Variants in KIAA1217 observed in about 807,000 individuals in gnomAD.
KIAA1217 encodes KIAA1217.
KIAA1217 carries 88 observed loss-of-function variants against 163.9 expected under a neutral mutation model. The ratio of observed to expected loss-of-function variants is 0.54; its 90% CI spans 0.45 to 0.64. KIAA1217 has a LOEUF of 0.64. Ranked by LOEUF, KIAA1217 falls within the 30% of genes least tolerant of loss-of-function variation. The pLI is 0.00. For synonymous variants in KIAA1217, 903 were observed against 923.1 expected (o/e 0.98, Z 0.39); for missense variants, 2,372 against 2,475.0 (o/e 0.96, Z 0.88).
chr10:24,513,184 A>T, intron 9 of KIAA1217, 75 bp from the exon 10 acceptor site: 1 of 1,446,158 alleles, frequency 6.9e-7, no homozygotes, highest in Non-Finnish European at 9.5e-7. Context: ...AAGTGCTCCG[A>T]AGACTTCAAG....
intron 1 of KIAA1217, among the ~76,000 whole-genome samples, chr10:23,870,805 T>C (rs1308799277): frequency 2.6e-5 from 4 of 152,118 alleles, no homozygotes; most frequent in African/African-American, 9.7e-5. Context: ...TCTTCTCTGC[T>C]ATGTCATCAG....
At chr10:23,809,263 G>A (rs533564970) in intron 1 of KIAA1217, among the ~76,000 whole-genome samples, 26 of 152,032 alleles carry the variant, frequency 1.7e-4, no homozygotes, top group Admixed American at 5.9e-4. Context: ...GAAAAAAGAC[G>A]CAAAACAGTG....
chr10:24,473,867 C>A lies in KIAA1217; in HGVS notation c.1486C>A (p.Pro496Thr), dbSNP rs776176131. ...MHAHYNAHGP[P>T]HTMQPDRASP... ...CGCTCACTATAATGCCCACGGCCCC[C>A]CTCACACCATGCAGCCAGACCGGGC... Residue 496 changes from proline to threonine, a missense_variant, in exon 6 of 21, where the codon CCT (proline) becomes ACT (threonine). This residue lies in a region of KIAA1217 where 1,431 missense variants were observed against 1,470.3 expected (regional missense o/e 0.97). Coordinates refer to ENST00000376454, the MANE Select transcript of KIAA1217 (RefSeq NM_019590.5). 1.2e-6 allele frequency: 2 copies of A among 1,614,050 alleles called. No individual in the cohort carries two copies. Among genetic ancestry groups the A allele is most frequent in the Non-Finnish European group, 1.7e-6 (2 of 1,180,042 alleles).
intron 1 of KIAA1217, among the ~76,000 whole-genome samples, chr10:23,981,687 A>T (rs894994381): frequency 1.3e-5 from 2 of 152,098 alleles, no homozygotes; most frequent in Non-Finnish European, 2.9e-5. Flanking sequence ...CTTCCTTTAC[A>T]CATGTCAAGA....
intron 2 of KIAA1217, among the ~76,000 whole-genome samples, chr10:24,193,503 G>C (rs1468110999): frequency 1.3e-5 from 2 of 152,192 alleles, no homozygotes; most frequent in Non-Finnish European, 1.5e-5. Context: ...TATAAACACA[G>C]CGTTAGATGT....
chr10:24,423,649 G>A (rs778386270), intron 3 of KIAA1217, among the ~76,000 whole-genome samples: 6 of 152,044 alleles, frequency 3.9e-5, no homozygotes, highest in South Asian at 2.1e-4. Context: ...TAGTAGAGTC[G>A]AGGTTTCACC....
At position 24,494,542 on chromosome 10, in the gene KIAA1217, T is replaced by A; in HGVS notation, c.1722T>A (p.Thr574=). Residue 574 remains threonine, a synonymous_variant, in exon 7 of 21, where the codon ACT becomes ACA. Coordinates refer to ENST00000376454, the MANE Select transcript of KIAA1217 (RefSeq NM_019590.5). The part of the protein sequence containing the change: ...QAMEKQIASL[T]GLVQSALFKG... ...TGGAGAAACAGATTGCCAGTTTAAC[T>A]GGCCTTGTTCAGTCTGCGCTTTTTA... The A allele has an allele frequency of 2.5e-6, 4 of 1,614,170 alleles. No homozygotes were observed. The highest frequency in any genetic ancestry group is 3.4e-6 in the Non-Finnish European group (4 of 1,179,994).
chr10:24,156,406 T>C lies in KIAA1217; in HGVS notation c.-170-63220T>C, dbSNP rs139696871. Reference sequence around the variant, plus strand: ...TTGGTTTGTTTCCAGTTTGGGGCTATTGCAGATAAATCCAATATGAACATT... The same window carrying C: ...TTGGTTTGTTTCCAGTTTGGGGCTACTGCAGATAAATCCAATATGAACATT... On this transcript the variant is annotated intron_variant, in intron 2 of 18. Transcript: ENST00000376462. Among the ~76,000 whole-genome samples the C allele has an allele frequency of 6.6e-4, 101 of 152,342 alleles. 2 individuals are homozygous for C. The East Asian group carries it at 0.012, about 18-fold the overall frequency.
chr10:24,064,210 G>C (rs1056463315), intron 2 of KIAA1217, among the ~76,000 whole-genome samples: 1 of 152,160 alleles, frequency 6.6e-6, no homozygotes, highest in Non-Finnish European at 1.5e-5. Context: ...GGGCATCCCT[G>C]TCTTGTGCCA....
intron 2 of KIAA1217, among the ~76,000 whole-genome samples, chr10:24,343,266 T>A (rs1312003731): frequency 6.6e-6 from 1 of 152,226 alleles, no homozygotes; most frequent in Middle Eastern, 3.2e-3. Context: ...CATATAAGAA[T>A]GCTAGTTGAT....
intron 5 of KIAA1217, among the ~76,000 whole-genome samples, chr10:24,447,756 G>A (rs1259493461): frequency 6.6e-6 from 1 of 152,214 alleles, no homozygotes; most frequent in Non-Finnish European, 1.5e-5. Flanking sequence ...ATTACCTAAT[G>A]TATCCCGCTA....
In KIAA1217 at chr10:24,533,193, G is replaced by A; in HGVS notation, c.3370G>A (p.Glu1124Lys). The A allele has an allele frequency of 2.5e-6, 4 of 1,613,504 alleles. No individual in the cohort carries two copies. The highest frequency in any genetic ancestry group is 3.4e-6 in the Non-Finnish European group (4 of 1,179,838). Residue 1124 changes from glutamate (E) to lysine (K), a missense_variant, in exon 16 of 21, where the codon GAG becomes AAG. By Grantham distance (56) the Glu-to-Lys change is moderately conservative (BLOSUM62 1). Coordinates refer to ENST00000376454, the MANE Select transcript of KIAA1217 (RefSeq NM_019590.5). ...PVTTSSSKDE[E>K]EEEEEGDKIM... ...CACCACCTCCTCCTCAAAGGATGAG[G>A]AGGAAGAAGAAGAAGAAGGAGACAA...
At chr10:24,140,718 G>A (rs1038649177) in intron 2 of KIAA1217, among the ~76,000 whole-genome samples, 13 of 152,092 alleles carry the variant, frequency 8.5e-5, no homozygotes, top group South Asian at 4.1e-4. Flanking sequence ...TTGAAACATC[G>A]GAAAGCAAAA....
At chr10:24,290,271 T>C (rs2132431832) in intron 2 of KIAA1217, among the ~76,000 whole-genome samples, 1 of 152,098 alleles carries the variant, frequency 6.6e-6, no homozygotes, top group Middle Eastern at 3.4e-3. Flanking sequence ...TGCATAAGAG[T>C]GAGGATTCAT....
chr10:24,121,675 A>G (rs892871111), intron 2 of KIAA1217, among the ~76,000 whole-genome samples: 1 of 152,212 alleles, frequency 6.6e-6, no homozygotes, highest in African/African-American at 2.4e-5. Flanking sequence ...TGATTTGTAG[A>G]TGATTTTTCA....
intron 2 of KIAA1217, among the ~76,000 whole-genome samples, chr10:24,007,997 C>G (rs1564606495): frequency 6.6e-6 from 1 of 152,170 alleles, no homozygotes; most frequent in Non-Finnish European, 1.5e-5. Context: ...CATATTCATT[C>G]AGCCTAAATT....
chr10:24,482,695 A>G (rs1325946232), intron 6 of KIAA1217: 2 of 152,206 alleles, frequency 1.3e-5, no homozygotes, highest in African/African-American at 4.8e-5. Context: ...CTAAGCATGA[A>G]TTCTAACTTT....
At chr10:24,190,174 A>T (rs941755198) in intron 2 of KIAA1217, among the ~76,000 whole-genome samples, 2 of 152,040 alleles carry the variant, frequency 1.3e-5, no homozygotes, top group Non-Finnish European at 2.9e-5. Flanking sequence ...AAGGCAAGAT[A>T]CCTGTCACTT....
intron 2 of KIAA1217, 96 bp from the exon 3 acceptor site, chr10:24,380,773 A>G (rs2053192574): frequency 2.1e-6 from 2 of 949,766 alleles, no homozygotes; most frequent in Non-Finnish European, 3.0e-6. Flanking sequence ...CCCTTGCCAT[A>G]TTATTTTTCC....
Sources: allele counts gnomAD v4.1 joint callset (sites outside exome capture counted in the v4.1 genomes callset), GRCh38; gene constraint gnomAD v4.1.1; regional missense constraint gnomAD v4.1.1; transcripts MANE v1.5; gene names NCBI Gene and HGNC (gene_info 2026-07-23, HGNC 2026-07-21).